Variants in EHD4 observed in about 807,000 individuals in gnomAD.
The protein encoded by EHD4 is EH domain-containing protein 4.
EHD4 carries 37 observed loss-of-function variants against 51.0 expected under a neutral mutation model. The observed-to-expected ratio is 0.73, with a 90% confidence interval of 0.56 to 0.95. The LOEUF (loss-of-function observed/expected upper bound fraction) is 0.95. Among genes scored for constraint, EHD4 ranks in the 40% least tolerant of loss-of-function variants. The pLI is 0.00. For synonymous variants in EHD4, 297 were observed against 317.3 expected (o/e 0.94, Z 0.68); for missense variants, 632 against 733.1 (o/e 0.86, Z 1.59).
At position 41,947,090 on chromosome 15, in the gene EHD4, G is replaced by A. The variant is rs138288746; in HGVS notation, c.414-3926C>T. Among the ~76,000 whole-genome samples the A allele has an allele frequency of 7.7e-3, 1,170 of 152,270 alleles. 12 individuals carry two copies. Among genetic ancestry groups the A allele is most frequent in the African/African-American group, 0.023 (951 of 41,540 alleles). ...GAGCAGACACATGCCATAACATGCT[G>A]AGAAGTGATGGAGCTGGGACATGAA... On this transcript the variant is annotated intron_variant, in intron 2 of 5. Transcript: ENST00000220325.
At chr15:41,969,741 A>T (rs2067984454) in intron 1 of EHD4, among the ~76,000 whole-genome samples, 1 of 152,164 alleles carries the variant, frequency 6.6e-6, no homozygotes, top group Non-Finnish European at 1.5e-5. Context: ...GTCTAAGATG[A>T]CATGGTCACT....
At chr15:41,926,333 C>T (rs1002346221) in intron 3 of EHD4, among the ~76,000 whole-genome samples, 10 of 152,208 alleles carry the variant, frequency 6.6e-5, no homozygotes, top group Admixed American at 1.3e-4. Flanking sequence ...GTGGTGGTGA[C>T]GGAACACTGC....
chr15:41,902,150 C>T (rs1197630756), intron 5 of EHD4, among the ~76,000 whole-genome samples: 1 of 152,118 alleles, frequency 6.6e-6, no homozygotes, highest in African/African-American at 2.4e-5. Context: ...TGTGACTGCC[C>T]AACCAGGCTG....
chr15:41,940,532 C>T (rs549110610), intron 3 of EHD4, among the ~76,000 whole-genome samples: 2 of 152,292 alleles, frequency 1.3e-5, no homozygotes, highest in Non-Finnish European at 1.5e-5. Flanking sequence ...CGTGTGGCAC[C>T]GGGCTTGGGA....
At chr15:41,907,457 C>G (rs1022003117) in intron 5 of EHD4, among the ~76,000 whole-genome samples, 3 of 152,188 alleles carry the variant, frequency 2.0e-5, no homozygotes, top group African/African-American at 7.2e-5. Context: ...CCCAATTCAG[C>G]TTGTGAGCAC....
intron 3 of EHD4, among the ~76,000 whole-genome samples, chr15:41,922,264 A>C (rs2067631267): frequency 6.6e-6 from 1 of 152,084 alleles, no homozygotes; most frequent in Non-Finnish European, 1.5e-5. Context: ...TGGCGTATGC[A>C]TGTGGGCTCA....
rs1232463309 is a variant in EHD4, at chr15:41,900,536, C to G, written c.*109G>C. ...CTCCCCATTCTACAGATGGGGAAAC[C>G]AAGGCACAGAGAGGGCAGTGCCTTG... On this transcript the variant is annotated 3_prime_UTR_variant, in exon 6 of 6. Coordinates refer to ENST00000220325, the MANE Select transcript of EHD4 (RefSeq NM_139265.4). The surrounding 1 kb of genome is among the most constrained non-coding windows in gnomAD (Gnocchi z 4.8). 2 of 1,194,722 alleles carry G rather than the reference C, an allele frequency of 1.7e-6. No homozygotes were observed. The highest frequency in any genetic ancestry group is 3.1e-5 in the African/African-American group (2 of 65,208). The allele number at this position is 1,194,722 out of a possible 1,614,324, so 74.0% of individuals were successfully genotyped here.
At chr15:41,952,631 C>A (rs2067859748) in intron 2 of EHD4, among the ~76,000 whole-genome samples, 1 of 152,044 alleles carries the variant, frequency 6.6e-6, no homozygotes, top group African/African-American at 2.4e-5. Context: ...GGGAGGAGTA[C>A]AAATAAAACA....
intron 3 of EHD4, among the ~76,000 whole-genome samples, chr15:41,931,463 T>C (rs927363820): frequency 6.6e-6 from 1 of 152,178 alleles, no homozygotes; most frequent in South Asian, 2.1e-4. Flanking sequence ...CAGTGAGCTG[T>C]GATCGTGCCA....
Position 41,900,487 on chromosome 15 carries a change from G to T in EHD4, c.*158C>A. On this transcript the variant is annotated 3_prime_UTR_variant, in exon 6 of 6. Coordinates refer to ENST00000220325, the MANE Select transcript of EHD4 (RefSeq NM_139265.4). This position sits in a 1 kb window ranked among gnomAD's most constrained non-coding sequence, Gnocchi z 4.8. ...TAAGGGAATTTTGGAGGTGAAAGAAGTCATCTAGTTTCCAGTGTCCACCCT... is the reference window on the plus strand; with the variant it reads ...TAAGGGAATTTTGGAGGTGAAAGAATTCATCTAGTTTCCAGTGTCCACCCT... 1 of 717,646 alleles carries T rather than the reference G, an allele frequency of 1.4e-6. No individual in the cohort carries two copies. Among genetic ancestry groups the T allele is most frequent in the Non-Finnish European group, 2.2e-6 (1 of 448,752 alleles). 44.5% of individuals were successfully genotyped at this position (717,646 alleles called of 1,614,324 possible).
At chr15:41,908,549 G>C (rs1274610913) in intron 5 of EHD4, 1 of 152,184 alleles carries the variant, frequency 6.6e-6, no homozygotes, top group Non-Finnish European at 1.5e-5. Context: ...CCCATATGCA[G>C]GTGGGCTTTG....
chr15:41,916,098 C>A (rs1025303392), intron 4 of EHD4, among the ~76,000 whole-genome samples: 1 of 152,236 alleles, frequency 6.6e-6, no homozygotes, highest in Non-Finnish European at 1.5e-5. Context: ...CACAACCCAA[C>A]TCAGACTTGA....
chr15:41,946,287 C>A (rs762629639), intron 2 of EHD4, among the ~76,000 whole-genome samples: 7 of 152,130 alleles, frequency 4.6e-5, no homozygotes, highest in Non-Finnish European at 8.8e-5. Flanking sequence ...GAGAAGAAGA[C>A]GGAGCAACTG....
intron 3 of EHD4, among the ~76,000 whole-genome samples, chr15:41,927,183 T>C (rs933771333): frequency 6.6e-6 from 1 of 152,266 alleles, no homozygotes; most frequent in South Asian, 2.1e-4. Context: ...CCTTATTCTA[T>C]TCACCACTAT....
At chr15:41,960,878 G>A (rs1394711091) in intron 1 of EHD4, among the ~76,000 whole-genome samples, 1 of 152,044 alleles carries the variant, frequency 6.6e-6, no homozygotes, top group African/African-American at 2.4e-5. Context: ...TTACCATGTT[G>A]TCCAGGCTGG....
Position 41,972,312 on chromosome 15 carries a change from C to G in EHD4, c.183G>C (p.Lys61Asn). ...PALEDADFEN[K>N]PMILLVGQYS... ...ACTGGCCCACCAGCAGGATCATGGG[C>G]TTGTTCTCGAAGTCGGCGTCCTCCA... Residue 61 changes from lysine to asparagine, a missense_variant, in exon 1 of 6, where the codon AAG becomes AAC. Lys to Asn is a moderately conservative substitution (Grantham distance 94, BLOSUM62 0). Coordinates refer to ENST00000220325, the MANE Select transcript of EHD4 (RefSeq NM_139265.4). The G allele has an allele frequency of 6.2e-7, 1 of 1,611,252 alleles. No homozygotes were observed. The highest frequency in any genetic ancestry group is 1.1e-5 in the South Asian group (1 of 90,676).
rs761145032 is a variant in EHD4, at chr15:41,897,657, C to T, written c.*2988G>A. On this transcript the variant is annotated 3_prime_UTR_variant, in exon 6 of 6. Coordinates refer to ENST00000220325, the MANE Select transcript of EHD4 (RefSeq NM_139265.4). ...TCTTAGTGCAGTGTTTCTCTACAAA[C>T]GGGGTCAGGAGACCCTCACTGGCAG... 3.3e-5 allele frequency: 5 copies of T among 152,242 alleles called. No individual in the cohort carries two copies. Among genetic ancestry groups the T allele is most frequent in the African/African-American group, 9.6e-5 (4 of 41,454 alleles). The allele number at this position is 152,242 out of a possible 1,614,324, so 9.4% of individuals were successfully genotyped here.
chr15:41,910,143 G>A (rs1032773480), intron 4 of EHD4, among the ~76,000 whole-genome samples: 3 of 152,150 alleles, frequency 2.0e-5, no homozygotes, highest in African/African-American at 7.2e-5. Flanking sequence ...GGGCCTGGGT[G>A]GGAGAGCTCT....
chr15:41,909,933 C>T (rs772276903), intron 4 of EHD4, 70 bp from the exon 5 acceptor site: 29 of 1,574,882 alleles, frequency 1.8e-5, no homozygotes, highest in South Asian at 3.4e-5. Flanking sequence ...AACAAGATTG[C>T]ATCTTAACTC....
Sources: gnomAD v4.1 joint callset for allele counts (sites outside exome capture counted in the v4.1 genomes callset) on GRCh38, gnomAD v4.1.1 for gene constraint, Gnocchi (gnomAD v3.1) non-coding constraint, MANE v1.5 for transcripts, NCBI Gene and HGNC (gene_info 2026-07-23, HGNC 2026-07-21) for gene names.